The following DCHS2 variants were observed in gnomAD, a reference collection of about 807,000 sequenced individuals.
DCHS2 encodes dachsous cadherin-related 2, also known as protocadherin-23.
Under a neutral mutation model 182.4 loss-of-function variants are expected in DCHS2, and 142 were observed. The observed-to-expected ratio is 0.78, with a 90% CI of 0.68 to 0.89. DCHS2 has a LOEUF of 0.89. Among genes scored for constraint, DCHS2 ranks in the 40% least tolerant of loss-of-function variants. The pLI is 0.00. For synonymous variants in DCHS2, 1,740 were observed against 1,663.3 expected, an observed-to-expected ratio of 1.05 and a Z score of -1.12; for missense variants, 4,319 against 4,198.6, an observed-to-expected ratio of 1.03 and a Z score of -0.79.
At chr4:154,396,241 GA>G (rs1731924682) in intron 1 of DCHS2, among the ~76,000 whole-genome samples, 1 of 116,132 alleles carries the variant, frequency 8.6e-6, no homozygotes, top group Non-Finnish European at 1.7e-5. Context: ...ATATATAGAA[GA>G]AAAGAAGAAA....
chr4:154,383,030 T>C (rs1731241989), intron 1 of DCHS2, among the ~76,000 whole-genome samples: 1 of 152,194 alleles, frequency 6.6e-6, no homozygotes, highest in African/African-American at 2.4e-5. Flanking sequence ...AAAAGACACA[T>C]GCACTTGCAT....
chr4:154,378,364 G>A (rs1042114754), intron 1 of DCHS2, among the ~76,000 whole-genome samples: 2 of 151,434 alleles, frequency 1.3e-5, no homozygotes, highest in Non-Finnish European at 2.9e-5. Context: ...CCAACTAACA[G>A]TAAGAGCAAA....
At chr4:154,298,784 C>T in intron 12 of DCHS2, 76 bp from the exon 13 acceptor site, 1 of 1,477,182 alleles carries the variant, frequency 6.8e-7, no homozygotes, top group South Asian at 1.5e-5. Flanking sequence ...CTATGGTATT[C>T]ATTTATACAT....
intron 1 of DCHS2, chr4:154,391,179 A>G (rs1731683733): frequency 6.2e-7 from 1 of 1,612,782 alleles, no homozygotes; most frequent in Non-Finnish European, 8.5e-7. Context: ...AGATTTCACA[A>G]TGGAATTTAT....
intron 2 of DCHS2, among the ~76,000 whole-genome samples, chr4:154,368,433 A>G (rs568304066): frequency 3.4e-4 from 52 of 152,358 alleles, no homozygotes; most frequent in African/African-American, 1.2e-3. Flanking sequence ...CCAGCTTAAG[A>G]TATTTAAGAA....
intron 19 of DCHS2, 32 bp downstream of exon 19, chr4:154,239,138 T>C (rs1578839592): frequency 6.3e-7 from 1 of 1,597,240 alleles, no homozygotes; most frequent in South Asian, 1.1e-5. Flanking sequence ...AACCCAAACC[T>C]ATGAGCATTA....
rs116756330 is a variant in DCHS2 at position 154,444,446 on chromosome 4, G to T, written c.2052+44858C>A. 8.6e-3 allele frequency among the ~76,000 whole-genome samples: 1,313 copies of T among 152,104 alleles called. 10 individuals are homozygous for T. Among genetic ancestry groups the T allele is most frequent in the Non-Finnish European group, 0.014 (919 of 67,996 alleles). ...TCACACAGACAGTCTGTCTGGCATTGCCCTCATCCAGTTCATCAGCCAATC... is the reference window on the plus strand; with the variant it reads ...TCACACAGACAGTCTGTCTGGCATTTCCCTCATCCAGTTCATCAGCCAATC... On this transcript the variant is annotated intron_variant, in intron 1 of 19. Transcript: ENST00000357232.
chr4:154,367,943 T>C lies in DCHS2; in HGVS notation c.2245-1502A>G, dbSNP rs531224415. Among the ~76,000 whole-genome samples the C allele has an allele frequency of 7.9e-5, 12 of 152,160 alleles. No individual in the cohort carries two copies. The East Asian group carries it at 2.3e-3, about 29-fold the overall frequency. ...CTGCTCTGAGCTCTGAGCTCTGAGG[T>C]CCCTTGTACTCCAGGCTTTGAGGAC... is the stretch of plus-strand genomic sequence containing the variant. On this transcript the variant is annotated intron_variant, in intron 2 of 19. Transcript: ENST00000357232.
At chr4:154,347,088 T>C (rs530388241) in intron 3 of DCHS2, among the ~76,000 whole-genome samples, 2 of 151,678 alleles carry the variant, frequency 1.3e-5, no homozygotes, top group South Asian at 4.2e-4. Context: ...GCATCAGTAC[T>C]GCACAAACAA....
chr4:154,366,671 A>C (rs1321060950), intron 2 of DCHS2, among the ~76,000 whole-genome samples: 1 of 152,048 alleles, frequency 6.6e-6, no homozygotes, highest in African/African-American at 2.4e-5. Flanking sequence ...ACACACACAA[A>C]CACGTCTTTA....
At chr4:154,448,228 T>A (rs1163812228) in intron 1 of DCHS2, among the ~76,000 whole-genome samples, 1 of 152,136 alleles carries the variant, frequency 6.6e-6, no homozygotes, top group Admixed American at 6.6e-5. Flanking sequence ...ATGTGGGCGC[T>A]CCTCTCTCCC....
intron 1 of DCHS2, among the ~76,000 whole-genome samples, chr4:154,482,716 G>T (rs1338059799): frequency 6.6e-6 from 1 of 152,160 alleles, no homozygotes; most frequent in Non-Finnish European, 1.5e-5. Flanking sequence ...GATGGAATAG[G>T]GGATTGTTGG....
chr4:154,266,755 A>T (rs939539024), intron 14 of DCHS2, among the ~76,000 whole-genome samples: 1 of 151,906 alleles, frequency 6.6e-6, no homozygotes, highest in Non-Finnish European at 1.5e-5. Flanking sequence ...GCTGCACTTT[A>T]TCTGAGGATT....
chr4:154,403,979 C>A (rs1292274458), intron 1 of DCHS2, among the ~76,000 whole-genome samples: 1 of 151,540 alleles, frequency 6.6e-6, no homozygotes, highest in Admixed American at 6.6e-5. Context: ...CTCTTTTTTT[C>A]TTGATAATGC....
chr4:154,443,267 C>T (rs1319901716), intron 1 of DCHS2, among the ~76,000 whole-genome samples: 4 of 152,276 alleles, frequency 2.6e-5, no homozygotes, highest in East Asian at 1.9e-4. Flanking sequence ...TACACTGGCT[C>T]ATCTCCCTTA....
In DCHS2 at chr4:154,432,929, C is replaced by A. The variant is rs560554565; in HGVS notation, c.2053-55485G>T. Among the ~76,000 whole-genome samples, 201 of 152,262 alleles carry A rather than the reference C, an allele frequency of 1.3e-3. 1 individual carries two copies. Among genetic ancestry groups the A allele is most frequent in the African/African-American group, 4.4e-3 (183 of 41,558 alleles). The stretch of plus-strand genomic sequence containing the variant: ...GAGGGAAGGGTCTACAGATCTCTCT[C>A]TCTATATATATACACCTGGTTCCAG... On this transcript the variant is annotated intron_variant, in intron 1 of 19. Transcript: ENST00000357232.
At chr4:154,455,993 G>GGTAAGAGAA (rs1734749040) in intron 1 of DCHS2, among the ~76,000 whole-genome samples, 1 of 151,988 alleles carries the variant, frequency 6.6e-6, no homozygotes, top group South Asian at 2.1e-4. Context: ...AGGAGGCTGA[G>GGTAAGAGAA]GTAAGAGAAT....
Position 154,298,430 on chromosome 4 carries a change from C to T in DCHS2, c.5884G>A (p.Glu1962Lys), listed in dbSNP as rs771053615. The T allele has an allele frequency of 1.2e-6, 2 of 1,614,170 alleles. 1 individual carries two copies. The highest frequency in any genetic ancestry group is 2.2e-5 in the South Asian group (2 of 91,070). ...TACTCAGTTTGCCCATTCAGGCCTT[C>T]ATCCTTGTCCACAGCTGAAAGCACA... ...VLVLSAVDKDEGLNGQTEYFL... is the reference protein window; with the variant it reads ...VLVLSAVDKDKGLNGQTEYFL... Residue 1962 changes from glutamate (E) to lysine (K), a missense_variant, in exon 13 of 20, where the codon GAA becomes AAA. By Grantham distance (56) the Glu-to-Lys change is moderately conservative. Coordinates refer to ENST00000357232, the MANE Select transcript of DCHS2 (RefSeq NM_001358235.2).
At chr4:154,422,581 C>T (rs1293039393) in intron 1 of DCHS2, among the ~76,000 whole-genome samples, 1 of 152,322 alleles carries the variant, frequency 6.6e-6, no homozygotes, top group African/African-American at 2.4e-5. Context: ...CCACCCAAAA[C>T]AAGAGTGATC....
Sources: allele counts gnomAD v4.1 joint callset (sites outside exome capture counted in the v4.1 genomes callset), GRCh38; gene constraint gnomAD v4.1.1; transcripts MANE v1.5; gene names NCBI Gene and HGNC (gene_info 2026-07-23, HGNC 2026-07-21).